Variants in SPTBN1 observed in about 807,000 individuals in gnomAD.
SPTBN1 encodes spectrin beta chain, non-erythrocytic 1.
SPTBN1 carries 32 observed loss-of-function variants against 266.4 expected under a neutral mutation model. The ratio of observed to expected loss-of-function variants is 0.12; its 90% confidence interval spans 0.09 to 0.16. SPTBN1 has a LOEUF of 0.16. SPTBN1 is among the 10% of genes least tolerant of loss of function. The pLI is 1.00. For synonymous variants in SPTBN1, 1,336 were observed against 1,162.2 expected, an observed-to-expected ratio of 1.15 and a Z score of -3.04; for missense variants, 2,296 against 3,067.1, an observed-to-expected ratio of 0.75 and a Z score of 5.94.
At chr2:54,535,053 C>T (rs1027111613) in intron 2 of SPTBN1, 1 of 152,160 alleles carries the variant, frequency 6.6e-6, no homozygotes, top group African/African-American at 2.4e-5. Flanking sequence ...TGAGGCGCTC[C>T]GTTCTTCTGT....
rs1195738364 is a variant in SPTBN1, at chr2:54,466,607, A to G, written c.-48+10089A>G. On this transcript the variant is annotated intron_variant, in intron 1 of 35. Coordinates refer to ENST00000356805, the MANE Select transcript of SPTBN1 (RefSeq NM_003128.3). ...AAAAAAAAAAAAAAAAAAAAAAAAA[A>G]GTATGTTTATTCTTAGAAAGTTCAT... Among the ~76,000 whole-genome samples, 2 of 140,352 alleles carry G rather than the reference A, an allele frequency of 1.4e-5. 1 individual carries two copies. Among genetic ancestry groups the G allele is most frequent in the Non-Finnish European group, 3.2e-5 (2 of 63,356 alleles). 92.1% of individuals were successfully genotyped at this position (140,352 alleles called of 152,430 possible). A position where few individuals can be genotyped will look rare whatever the true frequency, so the allele number is the denominator to read the frequency against.
intron 1 of SPTBN1, among the ~76,000 whole-genome samples, chr2:54,482,139 T>C (rs531304569): frequency 4.6e-4 from 70 of 152,272 alleles, no homozygotes; most frequent in Non-Finnish European, 9.4e-4. Context: ...GGATTGACTA[T>C]TAATGGTAGA....
At chr2:54,644,213 T>C in intron 19 of SPTBN1, 110 bp from the exon 20 acceptor site, 2 of 1,359,978 alleles carry the variant, frequency 1.5e-6, no homozygotes, top group East Asian at 4.7e-5. Context: ...ACTGTGTGTA[T>C]TGAGTGAATG....
chr2:54,609,324 C>A (rs891686088), intron 3 of SPTBN1, among the ~76,000 whole-genome samples: 1 of 152,206 alleles, frequency 6.6e-6, no homozygotes. Flanking sequence ...AAACCTTCAC[C>A]CCTCTACCTT....
At chr2:54,568,311 C>T (rs1673808310) in intron 2 of SPTBN1, among the ~76,000 whole-genome samples, 1 of 142,362 alleles carries the variant, frequency 7.0e-6, no homozygotes, top group South Asian at 2.2e-4. Context: ...GATTGCACCA[C>T]TGCATTCCAG....
rs1163463204 is a variant in SPTBN1 at position 54,540,835 on chromosome 2, C to G, written c.148+14269C>G. 2 of 152,128 alleles carry G rather than the reference C, an allele frequency of 1.3e-5. No individual in the cohort carries two copies. The highest frequency in any genetic ancestry group is 4.8e-5 in the African/African-American group (2 of 41,430). 9.4% of individuals were successfully genotyped at this position (152,128 alleles called of 1,614,324 possible). The stretch of plus-strand genomic sequence containing the variant: ...CAGAGTATTAGGTGACTATAGTGAC[C>G]AAGCAAGATAGGGAATGGAATGTTA... On this transcript the variant is annotated intron_variant, in intron 2 of 35. Coordinates refer to ENST00000356805, the MANE Select transcript of SPTBN1 (RefSeq NM_003128.3). This position sits in a 1 kb window ranked among gnomAD's most constrained non-coding sequence, Gnocchi z 5.6.
At chr2:54,610,140 C>G (rs1438138276) in intron 3 of SPTBN1, among the ~76,000 whole-genome samples, 2 of 151,716 alleles carry the variant, frequency 1.3e-5, no homozygotes, top group Non-Finnish European at 2.9e-5. Context: ...TCAGCAAAAG[C>G]TGCTTCTCCC....
chr2:54,579,984 G>A (rs1254580580), intron 2 of SPTBN1, among the ~76,000 whole-genome samples: 1 of 152,192 alleles, frequency 6.6e-6, no homozygotes, highest in Non-Finnish European at 1.5e-5. Context: ...CTCTGGTGTT[G>A]CTAGGACAGA....
intron 1 of SPTBN1, among the ~76,000 whole-genome samples, chr2:54,515,005 G>C (rs1232247789): frequency 2.6e-5 from 4 of 152,204 alleles, no homozygotes; most frequent in Non-Finnish European, 4.4e-5. Flanking sequence ...GAGGCTGCAA[G>C]ATTCTAAACC....
At chr2:54,658,201 G>C (rs1172554986) in intron 30 of SPTBN1, among the ~76,000 whole-genome samples, 155 bp downstream of exon 30, 1 of 152,172 alleles carries the variant, frequency 6.6e-6, no homozygotes, top group South Asian at 2.1e-4. Flanking sequence ...GGCTCCTGTG[G>C]AGCAGGACCT....
chr2:54,647,141 G>A lies in SPTBN1; in HGVS notation c.4877G>A (p.Ser1626Asn), dbSNP rs1298658319. The A allele has an allele frequency of 6.2e-7, 1 of 1,614,104 alleles. No homozygotes were observed. Among genetic ancestry groups the A allele is most frequent in the Non-Finnish European group, 8.5e-7 (1 of 1,180,054 alleles). The change falls in exon 24 of 36, where the codon AGT becomes AAT. Residue 1626 changes from serine (S) to asparagine (N), a missense_variant. Physicochemically the swap from Ser to Asn is conservative, Grantham distance 46. Coordinates refer to ENST00000356805, the MANE Select transcript of SPTBN1 (RefSeq NM_003128.3). Reference sequence around the variant, plus strand: ...CTCCTGTCTTTGCAGGATGAGCAGAGTGCTGTCTCCATGTTGAAGAAGCAC... The same window carrying A: ...CTCCTGTCTTTGCAGGATGAGCAGAATGCTGTCTCCATGTTGAAGAAGCAC... ...MSEEKAKDEQ[S>N]AVSMLKKHQI...
chr2:54,491,211 A>T lies in SPTBN1; in HGVS notation c.-48+34693A>T, dbSNP rs115171321. ...AAAACTGTTAATAAACTTAACCGAC[A>T]GGAAGATTCCCCTGGCATCATAGCC... On this transcript the variant is annotated intron_variant, in intron 1 of 35. Transcript: ENST00000356805. Among the ~76,000 whole-genome samples, 574 of 152,344 alleles carry T rather than the reference A, an allele frequency of 3.8e-3. 5 individuals are homozygous for T. The highest frequency in any genetic ancestry group is 4.7e-3 in the Non-Finnish European group (319 of 68,026).
At chr2:54,537,420 G>C (rs1671678780) in intron 2 of SPTBN1, among the ~76,000 whole-genome samples, 1 of 152,200 alleles carries the variant, frequency 6.6e-6, no homozygotes, top group Non-Finnish European at 1.5e-5. Flanking sequence ...ACCTTCAGAA[G>C]AGGTGTCCCC....
At chr2:54,567,380 C>T (rs947310003) in intron 2 of SPTBN1, among the ~76,000 whole-genome samples, 1 of 151,986 alleles carries the variant, frequency 6.6e-6, no homozygotes, top group African/African-American at 2.4e-5. Flanking sequence ...GTCTCTGTCA[C>T]ACAGGCTGGA....
Position 54,560,531 on chromosome 2 carries a change from C to A in SPTBN1, c.148+33965C>A, listed in dbSNP as rs748895327. Among the ~76,000 whole-genome samples the A allele has an allele frequency of 7.9e-5, 12 of 152,192 alleles. No individual in the cohort carries two copies. The South Asian group carries it at 1.5e-3, about 18-fold the overall frequency. On this transcript the variant is annotated intron_variant, in intron 2 of 35. Transcript: ENST00000356805. ...TACACACAGGAAATGTCTTAACTGT[C>A]CTCTCTGGACAACGTAAAGTTTAAA...
chr2:54,589,632 T>C (rs992266623), intron 2 of SPTBN1, among the ~76,000 whole-genome samples: 2 of 152,266 alleles, frequency 1.3e-5, no homozygotes, highest in Admixed American at 1.3e-4. Context: ...ACTCAAATTC[T>C]ATTTTTATAC....
intron 1 of SPTBN1, among the ~76,000 whole-genome samples, chr2:54,488,458 T>C (rs1668522942): frequency 6.6e-6 from 1 of 152,192 alleles, no homozygotes; most frequent in East Asian, 1.9e-4. Context: ...TTATTTTTTA[T>C]TTTTGGCAGT....
intron 2 of SPTBN1, among the ~76,000 whole-genome samples, chr2:54,572,315 G>A (rs1376665528): frequency 6.6e-6 from 1 of 152,154 alleles, no homozygotes; most frequent in Admixed American, 6.5e-5. Context: ...GCAAAAAAAT[G>A]TTAAAAATGT....
chr2:54,463,166 G>A (rs1441563850), intron 1 of SPTBN1, among the ~76,000 whole-genome samples: 2 of 151,558 alleles, frequency 1.3e-5, no homozygotes, highest in African/African-American at 4.9e-5. Context: ...GAAAATGGTT[G>A]TGAAGGCCCA....
Sources: allele counts gnomAD v4.1 joint callset (sites outside exome capture counted in the v4.1 genomes callset), GRCh38; gene constraint gnomAD v4.1.1; non-coding constraint Gnocchi (gnomAD v3.1); transcripts MANE v1.5; gene names NCBI Gene and HGNC (gene_info 2026-07-23, HGNC 2026-07-21).